The following NCAPG variants were observed in gnomAD, a reference collection of about 807,000 sequenced individuals.
The protein encoded by NCAPG is non-SMC condensin I complex subunit G, also known as condensin complex subunit 3.
NCAPG carries 69 observed loss-of-function variants against 113.1 expected under a neutral mutation model. The ratio of observed to expected loss-of-function variants is 0.61; its 90% CI spans 0.50 to 0.75. NCAPG has a LOEUF of 0.75. NCAPG is among the 30% of genes least tolerant of loss of function. The pLI, the probability that NCAPG is intolerant of heterozygous loss-of-function variation, is 0.00. For synonymous variants in NCAPG, 370 were observed against 415.8 expected, an observed-to-expected ratio of 0.89 and a Z score of 1.34; for missense variants, 1,058 against 1,177.0, an observed-to-expected ratio of 0.90 and a Z score of 1.48.
rs374727298 is a variant in NCAPG, at chr4:17,843,135, G to A, written c.2925-167G>A. 1.2e-4 allele frequency: 74 copies of A among 629,940 alleles called. No homozygotes were observed. The South Asian group carries it at 1.7e-3, about 15-fold the overall frequency. 39.0% of individuals were successfully genotyped at this position (629,940 alleles called of 1,614,324 possible). On this transcript the variant is annotated intron_variant, in intron 20 of 20. Coordinates refer to ENST00000251496, the MANE Select transcript of NCAPG (RefSeq NM_022346.5). ...CTGATTCACTTTGCTAGATAGCCAA[G>A]TCAGTGTTTTTTTGACATTGAGATT...
At chr4:17,830,933 A>C (rs944619585) in intron 12 of NCAPG, 64 bp from the exon 13 acceptor site, 20 of 1,514,422 alleles carry the variant, frequency 1.3e-5, no homozygotes, top group Non-Finnish European at 3.6e-6. Flanking sequence ...CCTTTGAGGT[A>C]ATAGACAATA....
At position 17,825,010 on chromosome 4, in the gene NCAPG, G is replaced by C; in HGVS notation, c.1426G>C (p.Val476Leu). 6.2e-7 allele frequency: 1 copy of C among 1,612,946 alleles called. No homozygotes were observed. The highest frequency in any genetic ancestry group is 8.5e-7 in the Non-Finnish European group (1 of 1,179,344). ...ISEIRAPIVTVGVNNDPADVR... is the reference protein window; with the variant it reads ...ISEIRAPIVTLGVNNDPADVR... ...AGAGATTCGGGCGCCCATTGTTACTGTTGGTGTTAATAACGATCCAGCTGA... is the reference window on the plus strand; with the variant it reads ...AGAGATTCGGGCGCCCATTGTTACTCTTGGTGTTAATAACGATCCAGCTGA... Residue 476 changes from valine (V) to leucine (L), a missense_variant, in exon 10 of 21, where the codon GTT becomes CTT. Val to Leu is a conservative substitution (Grantham distance 32, BLOSUM62 1). Transcript: ENST00000251496.
intron 20 of NCAPG, chr4:17,843,060 T>G (rs1043800479): frequency 6.5e-5 from 19 of 292,400 alleles, no homozygotes; most frequent in African/African-American, 3.7e-4. Context: ...TTTTTTCCTG[T>G]ATAACACCAG....
Position 17,840,195 on chromosome 4 carries a change from T to C in NCAPG, c.2753T>C (p.Phe918Ser), listed in dbSNP as rs781524221. 6.3e-7 allele frequency: 1 copy of C among 1,596,758 alleles called. No homozygotes were observed. Among genetic ancestry groups the C allele is most frequent in the East Asian group, 2.2e-5 (1 of 44,480 alleles). ...GATGCCACCTTGACTACAACTACTT[T>C]CCAAAATGAAGATGGTAATCACATA... is the stretch of plus-strand genomic sequence containing the variant. ...AQDATLTTTT[F>S]QNEDEKNKEV... Residue 918 changes from phenylalanine (F) to serine (S), a missense_variant, in exon 18 of 21, where the codon TTC becomes TCC. Transcript: ENST00000251496.
chr4:17,830,029 T>C (rs544387804), intron 12 of NCAPG, among the ~76,000 whole-genome samples: 21 of 152,264 alleles, frequency 1.4e-4, no homozygotes, highest in Non-Finnish European at 2.2e-4. Flanking sequence ...AGAAGATTGT[T>C]TAATATGGTA....
Position 17,843,789 on chromosome 4 carries a change from G to A in NCAPG, c.*364G>A, listed in dbSNP as rs1722659063. ...TTGCATTTGAGAAGCTTATGACTTAGATGGGCAGAATCAACAAAGATGAAA... is the reference window on the plus strand; with the variant it reads ...TTGCATTTGAGAAGCTTATGACTTAAATGGGCAGAATCAACAAAGATGAAA... On this transcript the variant is annotated 3_prime_UTR_variant, in exon 21 of 21. Transcript: ENST00000251496. The A allele has an allele frequency of 6.3e-6, 1 of 159,052 alleles. No homozygotes were observed. The highest frequency in any genetic ancestry group is 6.1e-5 in the Admixed American group (1 of 16,338). 9.9% of individuals were successfully genotyped at this position (159,052 alleles called of 1,614,324 possible). A position where few individuals can be genotyped will look rare whatever the true frequency, so the allele number is the denominator to read the frequency against.
At chr4:17,824,488 AT>A (rs1721579234) in intron 9 of NCAPG, among the ~76,000 whole-genome samples, 1 of 152,074 alleles carries the variant, frequency 6.6e-6, no homozygotes, top group Non-Finnish European at 1.5e-5. Context: ...CCTTTTCCTG[AT>A]CAGCCAATTC....
In NCAPG at chr4:17,817,954, G is replaced by A; in HGVS notation, c.984G>A (p.Val328=). 1 of 1,597,628 alleles carries A rather than the reference G, an allele frequency of 6.3e-7. No homozygotes were observed. Among genetic ancestry groups the A allele is most frequent in the African/African-American group, 1.4e-5 (1 of 73,962 alleles). The stretch of plus-strand genomic sequence containing the variant: ...TTAAATGAAGGAAATTGATTCCAGT[G>A]GAAACATTAACTCCTGAAATTGCTT... ...KNNDGRKLIP[V]ETLTPEIALY... The change falls in exon 7 of 21, where the codon GTG becomes GTA. Residue 328 remains valine, a synonymous_variant. Transcript: ENST00000251496.
intron 14 of NCAPG, among the ~76,000 whole-genome samples, chr4:17,835,540 A>G (rs1722061241): frequency 6.6e-6 from 1 of 152,178 alleles, no homozygotes; most frequent in African/African-American, 2.4e-5. Context: ...TAGTACATTC[A>G]AAATGAAAGG....
chr4:17,839,583 G>A, intron 16 of NCAPG, 93 bp from the exon 17 acceptor site: 1 of 953,870 alleles, frequency 1.0e-6, no homozygotes. Context: ...ATTATGGCAA[G>A]AAAATTAGTT....
rs1375072966 is a variant in NCAPG at position 17,831,105 on chromosome 4, T to C, written c.1873T>C (p.Leu625=). ...GGATTTTGCAAGGAAACACTTCGTATTACTATTGCAGGTAGGATTTATCTT... is the reference window on the plus strand; with the variant it reads ...GGATTTTGCAAGGAAACACTTCGTACTACTATTGCAGGTAGGATTTATCTT... The part of the protein sequence containing the change: ...NQDFARKHFV[L]LLQVLQIDDV... The change falls in exon 13 of 21, where the codon TTA becomes CTA. Residue 625 remains leucine (L), a synonymous_variant. Transcript: ENST00000251496. The C allele has an allele frequency of 1.2e-6, 2 of 1,612,816 alleles. No homozygotes were observed. Among genetic ancestry groups the C allele is most frequent in the Admixed American group, 3.3e-5 (2 of 59,740 alleles).
intron 5 of NCAPG, 103 bp from the exon 6 acceptor site, chr4:17,817,158 A>G (rs1721243951): frequency 2.5e-6 from 2 of 793,064 alleles, no homozygotes; most frequent in South Asian, 1.7e-5. Flanking sequence ...AACCTCTACT[A>G]TTTCTATTGT....
In NCAPG at chr4:17,843,293, T is replaced by G. The variant is rs1722604944; in HGVS notation, c.2925-9T>G. On this transcript the variant is annotated splice_polypyrimidine_tract_variant and intron_variant, in intron 20 of 20. Coordinates refer to ENST00000251496, the MANE Select transcript of NCAPG (RefSeq NM_022346.5). The stretch of plus-strand genomic sequence containing the variant: ...TATCTAAATTCGTGTATTTTCAACA[T>G]CTATTTAGTGATCATGAAGTTCCAG... The G allele has an allele frequency of 6.2e-7, 1 of 1,608,446 alleles. No homozygotes were observed. The highest frequency in any genetic ancestry group is 1.3e-5 in the African/African-American group (1 of 74,638).
intron 7 of NCAPG, among the ~76,000 whole-genome samples, chr4:17,822,299 T>G (rs1197557047): frequency 6.7e-6 from 1 of 149,626 alleles, no homozygotes; most frequent in Non-Finnish European, 1.5e-5. Context: ...ATTCAAGCAA[T>G]TCTTCTGCCT....
At chr4:17,822,190 C>CTTTTTTT (rs1159844034) in intron 7 of NCAPG, among the ~76,000 whole-genome samples, 2 of 111,752 alleles carry the variant, frequency 1.8e-5, no homozygotes, top group African/African-American at 3.3e-5. Flanking sequence ...AAGATTAAAT[C>CTTTTTTT]TTTTTTTTTT....
At chr4:17,834,580 T>A (rs1560230999) in intron 14 of NCAPG, 57 bp downstream of exon 14, 1 of 1,075,924 alleles carries the variant, frequency 9.3e-7, no homozygotes, top group Non-Finnish European at 1.3e-6. Context: ...TGTATTTGTT[T>A]ATTATTATTA....
intron 2 of NCAPG, 125 bp downstream of exon 2, chr4:17,812,549 A>C (rs767542861): frequency 1.4e-6 from 1 of 702,238 alleles, no homozygotes; most frequent in East Asian, 2.7e-5. Flanking sequence ...GAATGAGTCT[A>C]CCTTTCATAG....
Position 17,819,489 on chromosome 4 carries a change from C to T in NCAPG, c.1118+1401C>T, listed in dbSNP as rs1032372128. 2.0e-4 allele frequency among the ~76,000 whole-genome samples: 31 copies of T among 151,986 alleles called. 1 individual carries two copies. The highest frequency in any genetic ancestry group is 2.0e-3 in the Admixed American group (30 of 15,260). ...CAATCTCGGCTCACTGCATCCTCCG[C>T]CTCCCGGGTTCAAGCGATTCTCTTG... On this transcript the variant is annotated intron_variant, in intron 7 of 20. Coordinates refer to ENST00000251496, the MANE Select transcript of NCAPG (RefSeq NM_022346.5).
chr4:17,825,628 T>C lies in NCAPG; in HGVS notation c.1653+67T>C, dbSNP rs531451783. The C allele has an allele frequency of 2.2e-5, 31 of 1,381,968 alleles. No individual in the cohort carries two copies. The Admixed American group carries it at 5.2e-4, about 23-fold the overall frequency. The allele number at this position is 1,381,968 out of a possible 1,614,324, so 85.6% of individuals were successfully genotyped here. A position where few individuals can be genotyped will look rare whatever the true frequency, so the allele number is the denominator to read the frequency against. ...ATCATCTCAACTAAATCTTATTTTC[T>C]CTAACTTCTAGAATTGCCAAAATAT... On this transcript the variant is annotated intron_variant, in intron 11 of 20. Transcript: ENST00000251496.
Sources: gnomAD v4.1 joint callset for allele counts (sites outside exome capture counted in the v4.1 genomes callset) on GRCh38, gnomAD v4.1.1 for gene constraint, MANE v1.5 for transcripts, NCBI Gene and HGNC (gene_info 2026-07-23, HGNC 2026-07-21) for gene names.